The following CLEC16A variants were observed in gnomAD, a reference collection of about 807,000 sequenced individuals.
CLEC16A encodes the protein protein CLEC16A.
A neutral mutation model predicts 109.5 loss-of-function variants in CLEC16A; 51 were observed. The ratio of observed to expected loss-of-function variants is 0.47; its 90% CI spans 0.37 to 0.59. CLEC16A has a LOEUF of 0.59. CLEC16A is among the 20% of genes least tolerant of loss of function. The probability of loss-of-function intolerance (pLI) is 0.00; values close to 1 mark genes in which losing one functional copy is unlikely to be tolerated. For missense variants in CLEC16A, 1,339 were observed against 1,394.0 expected (o/e 0.96, Z 0.63); for synonymous variants, 673 against 564.2 (o/e 1.19, Z -2.73).
At chr16:11,009,000 A>G (rs2045228850) in intron 11 of CLEC16A, among the ~76,000 whole-genome samples, 1 of 152,062 alleles carries the variant, frequency 6.6e-6, no homozygotes, top group Non-Finnish European at 1.5e-5. Flanking sequence ...CTCTGTCTCA[A>G]AAAAAATAAA....
intron 22 of CLEC16A, among the ~76,000 whole-genome samples, chr16:11,127,372 C>T (rs2052898824): frequency 6.6e-6 from 1 of 152,192 alleles, no homozygotes; most frequent in African/African-American, 2.4e-5. Context: ...GTGTTTTGCT[C>T]TTACAGTGTC....
chr16:11,103,581 AAAAAAT>A (rs1255971705), intron 19 of CLEC16A, among the ~76,000 whole-genome samples: 1 of 152,198 alleles, frequency 6.6e-6, no homozygotes, highest in African/African-American at 2.4e-5. Flanking sequence ...CTCCGTCTCA[AAAAAAT>A]AAAAATAAAT....
chr16:10,989,961 G>A (rs1214715873), intron 10 of CLEC16A, among the ~76,000 whole-genome samples: 2 of 152,154 alleles, frequency 1.3e-5, no homozygotes, highest in East Asian at 3.8e-4. Flanking sequence ...ACCCCTTCCG[G>A]CCAGGATTAG....
chr16:10,969,230 T>C lies in CLEC16A; in HGVS notation c.413T>C (p.Ile138Thr). Residue 138 changes from isoleucine to threonine, a missense_variant, in exon 4 of 24, where the codon ATT (isoleucine) becomes ACT (threonine). Coordinates refer to ENST00000409790, the MANE Select transcript of CLEC16A (RefSeq NM_015226.3). The stretch of plus-strand genomic sequence containing the variant: ...AAATTTGACTTTTCTGATGAGGAGA[T>C]TATGGCCTATTATATATCGTTCCTG... ...VHKFDFSDEE[I>T]MAYYISFLKT... 6.2e-7 allele frequency: 1 copy of C among 1,609,010 alleles called. No individual in the cohort carries two copies. The highest frequency in any genetic ancestry group is 8.5e-7 in the Non-Finnish European group (1 of 1,175,878).
intron 22 of CLEC16A, among the ~76,000 whole-genome samples, chr16:11,134,595 T>G (rs775708422): frequency 8.5e-5 from 13 of 152,150 alleles, no homozygotes; most frequent in Non-Finnish European, 1.3e-4. Flanking sequence ...AATTTTGGAT[T>G]TGGGGGAATT....
intron 15 of CLEC16A, 144 bp from the exon 16 acceptor site, chr16:11,043,884 A>G (rs79619874): frequency 4.8e-4 from 99 of 207,774 alleles, no homozygotes; most frequent in East Asian, 4.6e-3. Flanking sequence ...AAGAAAAGGG[A>G]AAAAAAAAAA....
At chr16:11,021,426 TTAGAC>T (rs1412891076) in intron 12 of CLEC16A, among the ~76,000 whole-genome samples, 1 of 152,198 alleles carries the variant, frequency 6.6e-6, no homozygotes, top group African/African-American at 2.4e-5. Context: ...ACAGCATTCT[TTAGAC>T]TATAAATAAT....
rs2068848673 is a variant in CLEC16A, at chr16:11,178,509, T to A, written c.2981T>A (p.Leu994His). The A allele has an allele frequency of 6.2e-7, 1 of 1,613,322 alleles. No homozygotes were observed. The highest frequency in any genetic ancestry group is 1.1e-5 in the South Asian group (1 of 91,088). Residue 994 changes from leucine (L) to histidine (H), a missense_variant, in exon 24 of 24, where the codon CTC becomes CAC. This residue lies in a region of CLEC16A where 1,061 missense variants were observed against 1,006.8 expected (regional missense o/e 1.05). Transcript: ENST00000409790. This position sits in a 1 kb window ranked among gnomAD's most constrained non-coding sequence, Gnocchi z 6.5. ...GCCCGGCAGCCCACCATTTCCCTGC[T>A]CTGCGAGGACACGGCTGACACGCTG... The part of the protein sequence containing the change: ...VPARQPTISL[L>H]CEDTADTLSV...
chr16:10,984,195 A>G (rs766069967), intron 10 of CLEC16A, among the ~76,000 whole-genome samples: 15 of 152,158 alleles, frequency 9.9e-5, no homozygotes, highest in Non-Finnish European at 2.1e-4. Flanking sequence ...CCACCACTGC[A>G]TGGAGTACAA....
chr16:11,045,046 A>G (rs140712850), intron 16 of CLEC16A, among the ~76,000 whole-genome samples: 25 of 151,874 alleles, frequency 1.6e-4, no homozygotes, highest in African/African-American at 5.8e-4. Flanking sequence ...TAAACAATAG[A>G]CATTTACTTC....
At chr16:11,075,071 A>G in intron 19 of CLEC16A, among the ~76,000 whole-genome samples, 1 of 152,188 alleles carries the variant, frequency 6.6e-6, no homozygotes, top group East Asian at 1.9e-4. Context: ...GGCCTGGGCA[A>G]TCGAGCAAGA....
At chr16:11,057,270 T>A (rs1389041701) in intron 18 of CLEC16A, among the ~76,000 whole-genome samples, 1 of 152,258 alleles carries the variant, frequency 6.6e-6, no homozygotes, top group Non-Finnish European at 1.5e-5. Flanking sequence ...GACTGTCGCC[T>A]AAACTAGGCA....
chr16:11,102,248 G>C (rs2050963334), intron 19 of CLEC16A, among the ~76,000 whole-genome samples: 1 of 152,192 alleles, frequency 6.6e-6, no homozygotes. Context: ...GTGCTGATAA[G>C]ATTGCGTTTC....
chr16:11,048,016 C>T (rs373230401), intron 17 of CLEC16A: 2 of 152,242 alleles, frequency 1.3e-5, no homozygotes, highest in African/African-American at 4.8e-5. Flanking sequence ...GCCCTTGACA[C>T]GTGGGGATTC....
intron 19 of CLEC16A, among the ~76,000 whole-genome samples, chr16:11,097,343 A>T (rs1486065957): frequency 6.6e-6 from 1 of 152,208 alleles, no homozygotes; most frequent in Non-Finnish European, 1.5e-5. Context: ...GAAAGATTTA[A>T]TCAGCTCCCT....
intron 22 of CLEC16A, among the ~76,000 whole-genome samples, chr16:11,134,858 C>T (rs965316389): frequency 9.2e-5 from 14 of 152,222 alleles, no homozygotes; most frequent in African/African-American, 3.4e-4. Flanking sequence ...AGGGATGCCC[C>T]TGGTCTAGAC....
intron 22 of CLEC16A, among the ~76,000 whole-genome samples, chr16:11,127,045 G>T (rs1223191654): frequency 1.3e-5 from 2 of 152,102 alleles, no homozygotes. Flanking sequence ...TATACCGTAG[G>T]CATATGATTT....
intron 19 of CLEC16A, among the ~76,000 whole-genome samples, chr16:11,073,680 G>A (rs1401853286): frequency 1.3e-5 from 2 of 152,096 alleles, no homozygotes; most frequent in African/African-American, 2.4e-5. Flanking sequence ...TGCCCTTGTC[G>A]CCCCTGCCTG....
intron 19 of CLEC16A, among the ~76,000 whole-genome samples, chr16:11,113,161 G>C (rs1455589896): frequency 1.3e-5 from 2 of 152,182 alleles, no homozygotes; most frequent in African/African-American, 4.8e-5. Flanking sequence ...TTGGCTTCAC[G>C]CCATCACCTG....
Sources: gnomAD v4.1 joint callset for allele counts (sites outside exome capture counted in the v4.1 genomes callset) on GRCh38, gnomAD v4.1.1 for gene constraint, gnomAD v4.1.1 regional missense constraint, Gnocchi (gnomAD v3.1) non-coding constraint, MANE v1.5 for transcripts, NCBI Gene and HGNC (gene_info 2026-07-23, HGNC 2026-07-21) for gene names.